Variants in SLC24A2 observed in about 807,000 individuals in gnomAD.
The protein encoded by SLC24A2 is sodium/potassium/calcium exchanger 2.
In SLC24A2, 36 loss-of-function variants were observed where a neutral mutation model predicts 62.0. The observed-to-expected ratio is 0.58, with a 90% CI of 0.44 to 0.77. The LOEUF (loss-of-function observed/expected upper bound fraction) is 0.77, where lower values mean the gene tolerates loss of function less well. Ranked by LOEUF, SLC24A2 falls within the 30% of genes least tolerant of loss-of-function variation. The pLI, the probability that SLC24A2 is intolerant of heterozygous loss-of-function variation, is 0.00. For synonymous variants in SLC24A2, 358 were observed against 294.0 expected, an observed-to-expected ratio of 1.22 and a Z score of -2.23; for missense variants, 846 against 817.9, an observed-to-expected ratio of 1.03 and a Z score of -0.42.
At chr9:19,812,929 TG>T in the SLC24A2 span, among the ~76,000 whole-genome samples, 2 of 152,210 alleles carry the variant, frequency 1.3e-5, no homozygotes, top group African/African-American at 4.8e-5. Context: ...ATGTATTTTC[TG>T]GGCACCTGAA....
At chr9:20,248,991 C>G in the SLC24A2 span, among the ~76,000 whole-genome samples, 7 of 152,122 alleles carry the variant, frequency 4.6e-5, no homozygotes, top group African/African-American at 1.7e-4. Flanking sequence ...GCCAGGGAGC[C>G]CAGTGGACAC....
the SLC24A2 span, among the ~76,000 whole-genome samples, chr9:20,131,609 T>A: frequency 9.2e-5 from 14 of 152,110 alleles, no homozygotes; most frequent in African/African-American, 3.4e-4. Context: ...CTGTGAGCCA[T>A]AGGAGGCTTT....
the SLC24A2 span, among the ~76,000 whole-genome samples, chr9:20,085,429 C>A: frequency 6.6e-6 from 1 of 152,122 alleles, no homozygotes; most frequent in South Asian, 2.1e-4. Context: ...GATGTAAGAT[C>A]TAGAGGAAAG....
the SLC24A2 span, among the ~76,000 whole-genome samples, chr9:19,997,534 A>G: frequency 6.6e-6 from 1 of 152,142 alleles, no homozygotes; most frequent in African/African-American, 2.4e-5. Context: ...ATCATTCAGC[A>G]CACTCTCAGC....
chr9:19,811,710 C>T, the SLC24A2 span, among the ~76,000 whole-genome samples: 1 of 151,990 alleles, frequency 6.6e-6, no homozygotes, highest in Non-Finnish European at 1.5e-5. Context: ...TATCTTTTAC[C>T]ACTTTTCTGA....
At chr9:20,294,924 A>G in the SLC24A2 span, among the ~76,000 whole-genome samples, 1 of 151,932 alleles carries the variant, frequency 6.6e-6, no homozygotes, top group Non-Finnish European at 1.5e-5. Context: ...TACTGGCAAA[A>G]CTCAAATTGT....
the SLC24A2 span, among the ~76,000 whole-genome samples, chr9:20,009,346 C>G: frequency 6.9e-6 from 1 of 145,474 alleles, no homozygotes; most frequent in Non-Finnish European, 1.5e-5. Context: ...GATTGGGTTG[C>G]TGCATTCTAG....
At chr9:20,097,762 A>G in the SLC24A2 span, among the ~76,000 whole-genome samples, 1 of 57,994 alleles carries the variant, frequency 1.7e-5, no homozygotes, top group Admixed American at 2.8e-4. Flanking sequence ...TTTTTTTTTG[A>G]GACGGAGTCT....
At chr9:19,614,386 T>C (rs964552535) in intron 4 of SLC24A2, among the ~76,000 whole-genome samples, 1 of 152,236 alleles carries the variant, frequency 6.6e-6, no homozygotes, top group African/African-American at 2.4e-5. Context: ...ATGTTTGAAC[T>C]AAACCTTCAC....
At chr9:19,530,295 T>C (rs545896846) in intron 8 of SLC24A2, among the ~76,000 whole-genome samples, 1 of 152,232 alleles carries the variant, frequency 6.6e-6, no homozygotes, top group South Asian at 2.1e-4. Flanking sequence ...AGAACCCTCT[T>C]GCCACGTGGG....
chr9:19,722,431 T>C (rs1345846963), intron 2 of SLC24A2, among the ~76,000 whole-genome samples: 1 of 152,146 alleles, frequency 6.6e-6, no homozygotes, highest in East Asian at 1.9e-4. Flanking sequence ...ATAAAAATCC[T>C]GTCTCCTTTG....
chr9:19,758,954 G>A (rs1822229434), intron 2 of SLC24A2, among the ~76,000 whole-genome samples: 1 of 152,136 alleles, frequency 6.6e-6, no homozygotes, highest in South Asian at 2.1e-4. Flanking sequence ...TTCTGTTTCT[G>A]GGATAGACTG....
At chr9:20,054,825 G>A in the SLC24A2 span, among the ~76,000 whole-genome samples, 17 of 152,282 alleles carry the variant, frequency 1.1e-4, no homozygotes, top group East Asian at 2.5e-3. Flanking sequence ...TAAGTAAATA[G>A]ATACCCAGTA....
At chr9:19,642,945 G>A (rs1321534720) in intron 2 of SLC24A2, among the ~76,000 whole-genome samples, 2 of 148,118 alleles carry the variant, frequency 1.4e-5, no homozygotes, top group African/African-American at 5.0e-5. Flanking sequence ...TTCCCAAAGT[G>A]CTGGGATTAC....
chr9:20,154,185 C>G, the SLC24A2 span, among the ~76,000 whole-genome samples: 1 of 151,784 alleles, frequency 6.6e-6, no homozygotes, highest in African/African-American at 2.4e-5. Flanking sequence ...ATGATTCCAC[C>G]TATCTAGAAA....
chr9:19,815,833 G>A, the SLC24A2 span, among the ~76,000 whole-genome samples: 1 of 152,066 alleles, frequency 6.6e-6, no homozygotes, highest in East Asian at 1.9e-4. Flanking sequence ...ACATCACACT[G>A]GATTATAAAA....
chr9:20,185,155 T>C, the SLC24A2 span, among the ~76,000 whole-genome samples: 1 of 152,154 alleles, frequency 6.6e-6, no homozygotes, highest in African/African-American at 2.4e-5. Context: ...GAGGAATAAG[T>C]TCAAGAGATC....
At chr9:20,069,153 T>A in the SLC24A2 span, among the ~76,000 whole-genome samples, 25 of 152,232 alleles carry the variant, frequency 1.6e-4, no homozygotes, top group African/African-American at 5.5e-4. Context: ...ACCACCAAAA[T>A]GTTTGATTGA....
the SLC24A2 span, among the ~76,000 whole-genome samples, chr9:20,076,564 A>T: frequency 3.9e-5 from 6 of 152,120 alleles, no homozygotes; most frequent in Admixed American, 2.0e-4. Context: ...ATTCAGAAAG[A>T]GTATGGTCTT....
Sources: gnomAD v4.1 joint callset for allele counts (sites outside exome capture counted in the v4.1 genomes callset) on GRCh38, gnomAD v4.1.1 for gene constraint, MANE v1.5 for transcripts, NCBI Gene and HGNC (gene_info 2026-07-23, HGNC 2026-07-21) for gene names.